Variants in HDAC8 observed in about 807,000 individuals in gnomAD.
The protein encoded by HDAC8 is histone deacetylase 8, also known as histone deacetylase-like 1.
In HDAC8, 1 loss-of-function variant was observed where a neutral mutation model predicts 32.2. The ratio of observed to expected loss-of-function variants is 0.03; its 90% confidence interval spans 0.01 to 0.15. The LOEUF (loss-of-function observed/expected upper bound fraction) is 0.15. Among genes scored for constraint, HDAC8 ranks in the 10% least tolerant of loss-of-function variants. HDAC8 has a pLI of 1.00. For synonymous variants in HDAC8, 108 were observed against 113.9 expected, an observed-to-expected ratio of 0.95 and a Z score of 0.33; for missense variants, 117 against 300.0, an observed-to-expected ratio of 0.39 and a Z score of 4.51.
intron 10 of HDAC8, 84 bp downstream of exon 10, chrX:72,351,649 A>G (rs1401703376): frequency 1.6e-6 from 1 of 615,341 alleles, no homozygotes; most frequent in Admixed American, 3.0e-5. Context: ...CCAAAAGGCA[A>G]ATGGTATTTA....
intron 9 of HDAC8, among the ~76,000 whole-genome samples, chrX:72,415,918 T>C (rs781802496): frequency 1.3e-4 from 15 of 111,692 alleles, no homozygotes; most frequent in Non-Finnish European, 2.8e-4. Context: ...TTCCGTTCTG[T>C]TTTTTATGCT....
intron 4 of HDAC8, among the ~76,000 whole-genome samples, chrX:72,524,094 G>A (rs782561061): frequency 8.9e-6 from 1 of 112,425 alleles, no homozygotes; most frequent in South Asian, 3.7e-4. Flanking sequence ...CCACAGCAAA[G>A]CTGAATAGAT....
chrX:72,473,673 T>C, intron 7 of HDAC8: 1 of 753,570 alleles, frequency 1.3e-6, no homozygotes, highest in Non-Finnish European at 1.6e-6. Context: ...TCTGCTTCCA[T>C]GACTTACTGA....
At chrX:72,361,638 GTA>G (rs2044553410) in intron 9 of HDAC8, among the ~76,000 whole-genome samples, 1 of 109,346 alleles carries the variant, frequency 9.1e-6, no homozygotes, top group Admixed American at 9.9e-5. Context: ...GTGTGTGCGT[GTA>G]TATGTTTGCA....
intron 9 of HDAC8, among the ~76,000 whole-genome samples, chrX:72,461,233 G>A (rs999354387): frequency 2.0e-4 from 22 of 111,413 alleles, no homozygotes; most frequent in South Asian, 3.8e-4. Context: ...TCTAAGGTCC[G>A]TAGTTATACA....
intron 7 of HDAC8, among the ~76,000 whole-genome samples, chrX:72,485,743 C>T (rs2048650777): frequency 8.9e-6 from 1 of 111,803 alleles, no homozygotes; most frequent in South Asian, 3.7e-4. Context: ...ATGAGAGCAT[C>T]TTATAAGTGA....
chrX:72,417,110 T>C (rs937842152), intron 9 of HDAC8, among the ~76,000 whole-genome samples: 1 of 111,447 alleles, frequency 9.0e-6, no homozygotes, highest in African/African-American at 3.3e-5. Flanking sequence ...CACTATTTAT[T>C]TACAAAACTT....
Position 72,401,523 on chromosome X carries a change from C to T in HDAC8, c.1006-49685G>A, listed in dbSNP as rs782759087. Among the ~76,000 whole-genome samples the T allele has an allele frequency of 8.9e-5, 10 of 112,210 alleles. No homozygotes were observed. In the South Asian group the frequency reaches 1.5e-3, roughly 17 times the overall value. On this transcript the variant is annotated intron_variant, in intron 9 of 10. Coordinates refer to ENST00000373573, the MANE Select transcript of HDAC8 (RefSeq NM_018486.3). Reference sequence around the variant, plus strand: ...GATTACAGGCATGAGCCACTGTGCCCGGCCACCACTTGTTATTATCTGTCA... The same window carrying T: ...GATTACAGGCATGAGCCACTGTGCCTGGCCACCACTTGTTATTATCTGTCA...
At chrX:72,506,390 A>T (rs1232027428) in intron 4 of HDAC8, among the ~76,000 whole-genome samples, 1 of 111,757 alleles carries the variant, frequency 8.9e-6, no homozygotes, top group Admixed American at 9.5e-5. Flanking sequence ...TACTGCTTCC[A>T]TTCATGGCAG....
chrX:72,374,230 TG>T (rs2044979121), intron 9 of HDAC8, among the ~76,000 whole-genome samples: 1 of 111,573 alleles, frequency 9.0e-6, no homozygotes, highest in Non-Finnish European at 1.9e-5. Context: ...AAAAAGTTTT[TG>T]TAGAGATGGG....
chrX:72,552,903 T>G lies in HDAC8; in HGVS notation c.437+14986A>C, dbSNP rs2051137088. Reference sequence around the variant, plus strand: ...CTGTTAACATTGTGTTTTATTTCCCTCTAAGATATTTTCATATGCATATAT... The same window carrying G: ...CTGTTAACATTGTGTTTTATTTCCCGCTAAGATATTTTCATATGCATATAT... On this transcript the variant is annotated intron_variant, in intron 4 of 10. Coordinates refer to ENST00000373573, the MANE Select transcript of HDAC8 (RefSeq NM_018486.3). Among the ~76,000 whole-genome samples, 4 of 111,017 alleles carry G rather than the reference T, an allele frequency of 3.6e-5. No homozygotes were observed. The South Asian group carries it at 1.5e-3, about 42-fold the overall frequency.
chrX:72,329,593 C>T lies in HDAC8; in HGVS notation c.*461G>A, dbSNP rs1309753069. 5.7e-6 allele frequency: 6 copies of T among 1,047,669 alleles called. No homozygotes were observed. Among genetic ancestry groups the T allele is most frequent in the African/African-American group, 1.9e-5 (1 of 52,519 alleles). 86.3% of individuals were successfully genotyped at this position (1,047,669 alleles called of 1,213,427 possible). On this transcript the variant is annotated 3_prime_UTR_variant, in exon 11 of 11. Transcript: ENST00000373573. ...ACACCAGCGGACTTCTCCCCACCTC[C>T]CAGTCTGCTGATCAGTACCCTCTCT...
chrX:72,544,989 C>T (rs909559025), intron 4 of HDAC8, among the ~76,000 whole-genome samples: 3 of 111,477 alleles, frequency 2.7e-5, no homozygotes, highest in Non-Finnish European at 5.6e-5. Context: ...ACATAGTCAT[C>T]CTCATCAATT....
At chrX:72,476,396 A>G (rs1230489112) in intron 7 of HDAC8, among the ~76,000 whole-genome samples, 1 of 110,850 alleles carries the variant, frequency 9.0e-6, no homozygotes, top group African/African-American at 3.3e-5. Context: ...GACCTAAAGA[A>G]TATGAATCCT....
intron 10 of HDAC8, among the ~76,000 whole-genome samples, chrX:72,345,412 C>T (rs188796647): frequency 6.3e-5 from 7 of 111,087 alleles, no homozygotes; most frequent in East Asian, 5.7e-4. Flanking sequence ...TTACTTCTTG[C>T]GTGATTAGGG....
At chrX:72,332,607 G>GTTTT (rs782403645) in intron 10 of HDAC8, among the ~76,000 whole-genome samples, 4 of 90,639 alleles carry the variant, frequency 4.4e-5, no homozygotes, top group African/African-American at 1.6e-4. Flanking sequence ...CTTCCTAATT[G>GTTTT]TTTTTTTTTT....
At chrX:72,334,114 T>C (rs1442805604) in intron 10 of HDAC8, among the ~76,000 whole-genome samples, 1 of 111,716 alleles carries the variant, frequency 9.0e-6, no homozygotes, top group South Asian at 3.8e-4. Flanking sequence ...CAAGCTTAAA[T>C]AATGCCCATT....
chrX:72,415,253 G>A (rs148628492), intron 9 of HDAC8, among the ~76,000 whole-genome samples: 2 of 112,087 alleles, frequency 1.8e-5, no homozygotes, highest in Admixed American at 1.9e-4. Flanking sequence ...GGCCGTATTT[G>A]TGTGGGTCTA....
chrX:72,502,252 T>C (rs1172731309), intron 4 of HDAC8, among the ~76,000 whole-genome samples: 4 of 112,098 alleles, frequency 3.6e-5, no homozygotes, highest in Non-Finnish European at 7.5e-5. Flanking sequence ...ACCATTTGAC[T>C]CAGCAATCCC....
Sources: gnomAD v4.1 joint callset for allele counts (sites outside exome capture counted in the v4.1 genomes callset) on GRCh38, gnomAD v4.1.1 for gene constraint, MANE v1.5 for transcripts, NCBI Gene and HGNC (gene_info 2026-07-23, HGNC 2026-07-21) for gene names.